The following RNF2 variants were observed in gnomAD, a reference collection of about 807,000 sequenced individuals.
RNF2 encodes the protein E3 ubiquitin-protein ligase RING2.
RNF2 carries 6 observed loss-of-function variants against 37.2 expected under a neutral mutation model. The ratio of observed to expected loss-of-function variants is 0.16; its 90% CI spans 0.09 to 0.32. RNF2 has a LOEUF of 0.32. Among genes scored for constraint, RNF2 ranks in the 10% least tolerant of loss-of-function variants. RNF2 has a pLI of 1.00. For missense variants in RNF2, 251 were observed against 404.0 expected, an observed-to-expected ratio of 0.62 and a Z score of 3.25; for synonymous variants, 133 against 132.7, an observed-to-expected ratio of 1.00 and a Z score of -0.02.
chr1:185,056,530 T>C (rs941192871), intron 1 of RNF2, among the ~76,000 whole-genome samples: 1 of 151,146 alleles, frequency 6.6e-6, no homozygotes, highest in African/African-American at 2.4e-5. Context: ...GGCTCATTTA[T>C]TTTTTTTTAT....
At chr1:185,086,356 G>A (rs1005498722) in intron 1 of RNF2, among the ~76,000 whole-genome samples, 1 of 152,052 alleles carries the variant, frequency 6.6e-6, no homozygotes, top group East Asian at 1.9e-4. Flanking sequence ...TCCCACAAGA[G>A]TGAGTTTTTT....
At chr1:185,049,871 C>T (rs1040002351) in intron 1 of RNF2, among the ~76,000 whole-genome samples, 1 of 152,126 alleles carries the variant, frequency 6.6e-6, no homozygotes, top group African/African-American at 2.4e-5. Flanking sequence ...TGCTAACTGC[C>T]AGGGTCAGGG....
intron 1 of RNF2, among the ~76,000 whole-genome samples, chr1:185,053,023 A>G (rs759061238): frequency 1.6e-4 from 24 of 152,194 alleles, no homozygotes; most frequent in Non-Finnish European, 2.8e-4. Context: ...TAGACAAGGA[A>G]ACTGAGGAAT....
At chr1:185,072,736 C>G (rs1651021016) in intron 1 of RNF2, among the ~76,000 whole-genome samples, 1 of 151,978 alleles carries the variant, frequency 6.6e-6, no homozygotes, top group South Asian at 2.1e-4. Flanking sequence ...GTCAGGAGAT[C>G]GAGACCATCC....
At chr1:185,100,063 C>T (rs1037089497) in intron 6 of RNF2, 101 bp downstream of exon 6, 24 of 1,277,936 alleles carry the variant, frequency 1.9e-5, no homozygotes, top group Middle Eastern at 1.9e-4. Context: ...TGTAAAAAAC[C>T]GTAACAGTGT....
At chr1:185,084,217 G>GTCT (rs113084414) in intron 1 of RNF2, among the ~76,000 whole-genome samples, 3,804 of 152,166 alleles carry the variant, frequency 0.025, 147 homozygotes, top group East Asian at 0.085. Flanking sequence ...CAGTCTTTAA[G>GTCT]TCTTCTAGCT....
chr1:185,076,268 G>GTTTTTTTTTTTTTTTTTTTTT lies in RNF2; in HGVS notation c.-2-11264_-2-11244dup, dbSNP rs71101959. Among the ~76,000 whole-genome samples the GTTTTTTTTTTTTTTTTTTTTT allele has an allele frequency of 9.1e-4, 25 of 27,346 alleles. 11 individuals are homozygous for GTTTTTTTTTTTTTTTTTTTTT. The highest frequency in any genetic ancestry group is 1.8e-3 in the East Asian group (2 of 1,118). 17.9% of individuals were successfully genotyped at this position (27,346 alleles called of 152,430 possible). A position where few individuals can be genotyped will look rare whatever the true frequency, so the allele number is the denominator to read the frequency against. ...TTTTCTTCTAGATCTTTTATGGGTT[G>GTTTTTTTTTTTTTTTTTTTTT]TTTTTTTTTTTTTTTTTTTTTTTTT... On this transcript the variant is annotated intron_variant, in intron 1 of 6. Transcript: ENST00000367510.
chr1:185,067,647 TCAAA>T (rs909596298), intron 1 of RNF2, among the ~76,000 whole-genome samples: 1 of 151,128 alleles, frequency 6.6e-6, no homozygotes, highest in African/African-American at 2.4e-5. Flanking sequence ...GAAGTGTATA[TCAAA>T]CAAATGAAAA....
At chr1:185,055,745 TATATC>T (rs1479151267) in intron 1 of RNF2, among the ~76,000 whole-genome samples, 2 of 152,166 alleles carry the variant, frequency 1.3e-5, no homozygotes, top group African/African-American at 4.8e-5. Flanking sequence ...ATATGAGAGT[TATATC>T]AGATTCAGAA....
intron 1 of RNF2, among the ~76,000 whole-genome samples, chr1:185,070,395 A>G (rs1414719039): frequency 6.6e-6 from 1 of 152,204 alleles, no homozygotes; most frequent in African/African-American, 2.4e-5. Flanking sequence ...TTGTTGTTTT[A>G]TAACATAAAG....
chr1:185,058,130 A>G (rs764422181), intron 1 of RNF2, among the ~76,000 whole-genome samples: 62 of 152,346 alleles, frequency 4.1e-4, no homozygotes, highest in Admixed American at 1.2e-3. Flanking sequence ...CATCTCAGAT[A>G]ATAATAGTAA....
chr1:185,098,246 A>G lies in RNF2; in HGVS notation c.639A>G (p.Ala213=). The G allele has an allele frequency of 6.2e-7, 1 of 1,614,196 alleles. No homozygotes were observed. The highest frequency in any genetic ancestry group is 8.5e-7 in the Non-Finnish European group (1 of 1,180,032). The change falls in exon 5 of 7, where the codon GCA becomes GCG. Residue 213 remains alanine (A), a synonymous_variant. Transcript: ENST00000367510. ...SGLELDNNNA[A]MAIDPVMDGA... ...TAGAGCTTGATAATAACAATGCAGC[A>G]ATGGCAATTGATCCAGTAATGGATG...
chr1:185,086,069 A>AT (rs1651588405), intron 1 of RNF2, among the ~76,000 whole-genome samples: 1 of 152,006 alleles, frequency 6.6e-6, no homozygotes, highest in East Asian at 1.9e-4. Context: ...GTATTAATAT[A>AT]TTTTTTTCCT....
intron 1 of RNF2, among the ~76,000 whole-genome samples, chr1:185,085,254 T>G (rs1651552692): frequency 6.7e-6 from 1 of 149,898 alleles, no homozygotes. Context: ...GTTCATGCTA[T>G]TCTCCTGCCT....
chr1:185,060,599 T>C (rs989848896), intron 1 of RNF2, among the ~76,000 whole-genome samples: 1 of 152,228 alleles, frequency 6.6e-6, no homozygotes, highest in Non-Finnish European at 1.5e-5. Context: ...AGTTGATATG[T>C]GTTCAGGACT....
At chr1:185,060,389 A>G (rs944839577) in intron 1 of RNF2, among the ~76,000 whole-genome samples, 1 of 152,168 alleles carries the variant, frequency 6.6e-6, no homozygotes, top group African/African-American at 2.4e-5. Flanking sequence ...GCCACCACAT[A>G]AGTATACTCC....
chr1:185,072,772 C>G (rs1651022981), intron 1 of RNF2, among the ~76,000 whole-genome samples: 1 of 152,084 alleles, frequency 6.6e-6, no homozygotes, highest in Non-Finnish European at 1.5e-5. Context: ...AACCCCATCT[C>G]TAATAAAAAT....
chr1:185,050,162 T>G (rs1252613684), intron 1 of RNF2, among the ~76,000 whole-genome samples: 1 of 152,226 alleles, frequency 6.6e-6, no homozygotes, highest in African/African-American at 2.4e-5. Flanking sequence ...CAAAAAGTAT[T>G]TATCTTCTGT....
intron 3 of RNF2, among the ~76,000 whole-genome samples, chr1:185,092,369 C>T (rs1651792169): frequency 6.6e-6 from 1 of 151,914 alleles, no homozygotes; most frequent in African/African-American, 2.4e-5. Context: ...TAGAGGGGGG[C>T]TTTCACTGTG....
Sources: gnomAD v4.1 joint callset for allele counts (sites outside exome capture counted in the v4.1 genomes callset) on GRCh38, gnomAD v4.1.1 for gene constraint, MANE v1.5 for transcripts, NCBI Gene and HGNC (gene_info 2026-07-23, HGNC 2026-07-21) for gene names.